Variants in BCKDHB observed in about 807,000 individuals in gnomAD.
BCKDHB encodes the protein 2-oxoisovalerate dehydrogenase subunit beta, mitochondrial.
BCKDHB carries 41 observed loss-of-function variants against 48.5 expected under a neutral mutation model. The ratio of observed to expected loss-of-function variants is 0.85; its 90% CI spans 0.66 to 1.10. BCKDHB has a LOEUF of 1.10. BCKDHB is among the 50% of genes least tolerant of loss of function. The probability of loss-of-function intolerance (pLI) is 0.00; values close to 1 mark genes in which losing one functional copy is unlikely to be tolerated. For synonymous variants in BCKDHB, 201 were observed against 174.8 expected (o/e 1.15, Z -1.18); for missense variants, 496 against 494.2 (o/e 1.00, Z -0.03).
the BCKDHB span, among the ~76,000 whole-genome samples, chr6:80,382,253 C>T: frequency 9.2e-5 from 14 of 152,030 alleles, no homozygotes; most frequent in Admixed American, 3.3e-4. Flanking sequence ...TTGGAAATTG[C>T]GAGACAAAAA....
At chr6:80,253,962 A>G (rs1281646917) in intron 8 of BCKDHB, among the ~76,000 whole-genome samples, 2 of 151,944 alleles carry the variant, frequency 1.3e-5, no homozygotes, top group Admixed American at 6.6e-5. Flanking sequence ...ATTAAGCAAC[A>G]TTTCATAATA....
chr6:80,386,045 T>C, the BCKDHB span, among the ~76,000 whole-genome samples: 4 of 152,166 alleles, frequency 2.6e-5, no homozygotes, highest in Middle Eastern at 3.2e-3. Flanking sequence ...CTTGGTTTAA[T>C]GTAGAGGAAG....
chr6:80,293,643 T>G (rs1166680053), intron 9 of BCKDHB, among the ~76,000 whole-genome samples: 1 of 152,238 alleles, frequency 6.6e-6, no homozygotes, highest in Admixed American at 6.5e-5. Flanking sequence ...TGCAGCTGGC[T>G]TGAATTTCTC....
At chr6:80,361,003 C>CAAAAAAAAAA in the BCKDHB span, among the ~76,000 whole-genome samples, 2 of 117,746 alleles carry the variant, frequency 1.7e-5, no homozygotes, top group Non-Finnish European at 1.7e-5. Flanking sequence ...GACTCCATCT[C>CAAAAAAAAAA]AAAAAAAAAA....
the BCKDHB span, among the ~76,000 whole-genome samples, chr6:80,430,404 T>C: frequency 6.6e-6 from 1 of 152,204 alleles, no homozygotes; most frequent in South Asian, 2.1e-4. Context: ...GATTTGCTTT[T>C]TTTATGTTGT....
At chr6:80,320,243 T>C (rs1768650601) in intron 9 of BCKDHB, among the ~76,000 whole-genome samples, 1 of 152,186 alleles carries the variant, frequency 6.6e-6, no homozygotes, top group Non-Finnish European at 1.5e-5. Flanking sequence ...GACAAATATC[T>C]TTTTAAAAAA....
At chr6:80,181,530 C>G (rs1284307140) in intron 6 of BCKDHB, among the ~76,000 whole-genome samples, 1 of 152,090 alleles carries the variant, frequency 6.6e-6, no homozygotes, top group Non-Finnish European at 1.5e-5. Flanking sequence ...TCTAGGCTTC[C>G]TCATAGGTCT....
intron 9 of BCKDHB, among the ~76,000 whole-genome samples, chr6:80,294,707 G>T (rs558267219): frequency 3.3e-5 from 5 of 152,266 alleles, no homozygotes; most frequent in Admixed American, 2.0e-4. Context: ...ACTTATTAGG[G>T]TGGGGAAGAA....
chr6:80,218,745 C>A (rs1337473685), intron 8 of BCKDHB, among the ~76,000 whole-genome samples: 1 of 152,158 alleles, frequency 6.6e-6, no homozygotes, highest in East Asian at 1.9e-4. Flanking sequence ...ATCCACTGTT[C>A]TTTCCTCCCT....
At chr6:80,166,438 C>T (rs571090011) in intron 3 of BCKDHB, among the ~76,000 whole-genome samples, 8 of 152,106 alleles carry the variant, frequency 5.3e-5, no homozygotes, top group Non-Finnish European at 1.0e-4. Flanking sequence ...GGTGGATCAC[C>T]TGAGGTCAGG....
At chr6:80,211,700 G>T (rs1249794822) in intron 8 of BCKDHB, among the ~76,000 whole-genome samples, 1 of 152,108 alleles carries the variant, frequency 6.6e-6, no homozygotes, top group Non-Finnish European at 1.5e-5. Context: ...CATTCACTCT[G>T]TTATTCTATC....
At chr6:80,154,472 A>G (rs570379901) in intron 3 of BCKDHB, among the ~76,000 whole-genome samples, 3 of 152,260 alleles carry the variant, frequency 2.0e-5, no homozygotes, top group Non-Finnish European at 4.4e-5. Context: ...CTCCTAGGAC[A>G]CAACTAATTC....
At chr6:80,442,985 G>A in the BCKDHB span, among the ~76,000 whole-genome samples, 1 of 152,152 alleles carries the variant, frequency 6.6e-6, no homozygotes, top group Non-Finnish European at 1.5e-5. Context: ...TGCCATCTGG[G>A]CAGTGGATGA....
chr6:80,109,891 G>C, intron 1 of BCKDHB, among the ~76,000 whole-genome samples: 1 of 152,140 alleles, frequency 6.6e-6, no homozygotes, highest in East Asian at 1.9e-4. Flanking sequence ...ACTTACCCAA[G>C]TCTGGTAAGT....
At chr6:80,153,254 C>G (rs910728433) in intron 3 of BCKDHB, among the ~76,000 whole-genome samples, 1 of 152,084 alleles carries the variant, frequency 6.6e-6, no homozygotes, top group African/African-American at 2.4e-5. Context: ...CCTTGGTGCC[C>G]ATTCATGGTC....
At position 80,143,908 on chromosome 6, in the gene BCKDHB, C is replaced by A. The variant is rs148715788; in HGVS notation, c.343+14679C>A. Among the ~76,000 whole-genome samples the A allele has an allele frequency of 1.8e-3, 268 of 152,194 alleles. 1 individual carries two copies. Among genetic ancestry groups the A allele is most frequent in the African/African-American group, 6.1e-3 (254 of 41,536 alleles). The stretch of plus-strand genomic sequence containing the variant: ...CTTTAGTAATAAGGAATTTCTTCTC[C>A]GTTTCTGGGCATGCTGTTCATTTAA... On this transcript the variant is annotated intron_variant, in intron 3 of 9. Coordinates refer to ENST00000320393, the MANE Select transcript of BCKDHB (RefSeq NM_183050.4).
At chr6:80,128,574 T>C (rs1008031092) in intron 2 of BCKDHB, among the ~76,000 whole-genome samples, 5 of 152,104 alleles carry the variant, frequency 3.3e-5, no homozygotes, top group Non-Finnish European at 7.4e-5. Context: ...CTAAATCCCT[T>C]TCCTATTTGT....
the BCKDHB span, among the ~76,000 whole-genome samples, chr6:80,402,633 T>C: frequency 6.6e-6 from 1 of 151,984 alleles, no homozygotes; most frequent in African/African-American, 2.4e-5. Context: ...TGTTTATTTT[T>C]TGCTTTTATT....
chr6:80,166,830 A>T (rs908196754), intron 3 of BCKDHB, among the ~76,000 whole-genome samples: 3 of 152,156 alleles, frequency 2.0e-5, no homozygotes, highest in African/African-American at 4.8e-5. Context: ...TGTTTAATTG[A>T]AAAGGATTTG....
Sources: gnomAD v4.1 joint callset for allele counts (sites outside exome capture counted in the v4.1 genomes callset) on GRCh38, gnomAD v4.1.1 for gene constraint, MANE v1.5 for transcripts, NCBI Gene and HGNC (gene_info 2026-07-23, HGNC 2026-07-21) for gene names.